Variants in ACSBG1 observed in about 807,000 individuals in gnomAD.
The protein encoded by ACSBG1 is long-chain-fatty-acid--CoA ligase ACSBG1.
ACSBG1 carries 39 observed loss-of-function variants against 80.2 expected under a neutral mutation model. That is an observed-to-expected ratio of 0.49 (90% CI 0.38 to 0.64). The LOEUF is 0.64. Ranked by LOEUF, ACSBG1 falls within the 30% of genes least tolerant of loss-of-function variation. The probability of loss-of-function intolerance (pLI) is 0.00; values close to 1 mark genes in which losing one functional copy is unlikely to be tolerated. For synonymous variants in ACSBG1, 392 were observed against 379.5 expected (o/e 1.03, Z -0.38); for missense variants, 828 against 966.4 (o/e 0.86, Z 1.90).
intron 8 of ACSBG1, among the ~76,000 whole-genome samples, chr15:78,181,434 T>C (rs2074942134): frequency 6.6e-6 from 1 of 151,364 alleles, no homozygotes; most frequent in Admixed American, 6.6e-5. Context: ...TCCTTGATCG[T>C]GTCACAAGTC....
chr15:78,191,892 G>A (rs908591092), intron 5 of ACSBG1, among the ~76,000 whole-genome samples: 4 of 152,128 alleles, frequency 2.6e-5, no homozygotes, highest in Non-Finnish European at 4.4e-5. Context: ...TCCACAACCC[G>A]CCGCAAAGAG....
chr15:78,231,692 G>A (rs564509221), intron 1 of ACSBG1, among the ~76,000 whole-genome samples: 6 of 152,170 alleles, frequency 3.9e-5, no homozygotes, highest in African/African-American at 1.4e-4. Flanking sequence ...GGGCTCAAGC[G>A]ATCCTCCCAC....
chr15:78,179,479 C>G, intron 10 of ACSBG1, 71 bp downstream of exon 10: 1 of 1,429,904 alleles, frequency 7.0e-7, no homozygotes. Flanking sequence ...CCCCAGGGCA[C>G]TCAGCAGGCG....
At chr15:78,212,929 C>G (rs2075279734) in intron 1 of ACSBG1, among the ~76,000 whole-genome samples, 1 of 152,184 alleles carries the variant, frequency 6.6e-6, no homozygotes, top group Non-Finnish European at 1.5e-5. Context: ...TCTCCATTCC[C>G]CACAGCCAAC....
intron 12 of ACSBG1, 148 bp from the exon 13 acceptor site, chr15:78,173,987 T>C (rs2074856069): frequency 1.0e-6 from 1 of 989,556 alleles, no homozygotes. Context: ...TAGCTGCTAC[T>C]GTGTTGAGCC....
intron 1 of ACSBG1, chr15:78,212,701 G>A: frequency 4.7e-6 from 2 of 424,116 alleles, no homozygotes; most frequent in Non-Finnish European, 9.6e-6. Context: ...AGCAGCCCCA[G>A]AGAGGCCCGG....
chr15:78,205,297 C>G (rs1039412674), intron 2 of ACSBG1, among the ~76,000 whole-genome samples: 54 of 152,122 alleles, frequency 3.5e-4, no homozygotes, highest in Non-Finnish European at 4.4e-5. Flanking sequence ...AGCCTGGGGA[C>G]CAGAGCTCAG....
rs1308111559 is a variant in ACSBG1, at chr15:78,178,507, G to T, written c.1702+107C>A. The T allele has an allele frequency of 7.2e-6, 9 of 1,257,110 alleles. No homozygotes were observed. Among genetic ancestry groups the T allele is most frequent in the African/African-American group, 6.0e-5 (4 of 67,190 alleles). 77.9% of individuals were successfully genotyped at this position (1,257,110 alleles called of 1,614,324 possible). ...AGTAGAGATGGGGTTTCGCTGTGCT[G>T]CCCAGGGTGGTCTTGAACTCCTGAG... On this transcript the variant is annotated intron_variant, in intron 11 of 13. Transcript: ENST00000258873. The surrounding 1 kb of genome is among the most constrained non-coding windows in gnomAD (Gnocchi z 4.3).
At chr15:78,191,243 A>C (rs936523494) in intron 5 of ACSBG1, among the ~76,000 whole-genome samples, 4 of 152,258 alleles carry the variant, frequency 2.6e-5, no homozygotes, top group African/African-American at 9.6e-5. Context: ...CTAATAACAG[A>C]GCTCCAAAAT....
chr15:78,223,800 T>A (rs562557446), intron 1 of ACSBG1, among the ~76,000 whole-genome samples: 4 of 152,266 alleles, frequency 2.6e-5, no homozygotes, highest in Non-Finnish European at 5.9e-5. Flanking sequence ...GATTATCTTG[T>A]ATTATCCAGT....
chr15:78,212,190 A>G (rs958146130), intron 1 of ACSBG1, among the ~76,000 whole-genome samples: 3 of 152,182 alleles, frequency 2.0e-5, no homozygotes, highest in African/African-American at 7.2e-5. Flanking sequence ...GATAGCATCA[A>G]AGTTCACCAG....
intron 1 of ACSBG1, among the ~76,000 whole-genome samples, chr15:78,223,899 G>C (rs1438891290): frequency 6.6e-6 from 1 of 152,192 alleles, no homozygotes; most frequent in Admixed American, 6.5e-5. Flanking sequence ...TGACCACAGA[G>C]GCAGAGATGG....
chr15:78,231,197 G>A (rs746390728), intron 1 of ACSBG1, among the ~76,000 whole-genome samples: 4 of 151,870 alleles, frequency 2.6e-5, no homozygotes, highest in African/African-American at 9.7e-5. Context: ...CTCAGCTCAC[G>A]GCAACCTCTG....
At chr15:78,182,281 C>A in intron 7 of ACSBG1, 136 bp from the exon 8 acceptor site, 1 of 1,322,152 alleles carries the variant, frequency 7.6e-7, no homozygotes, top group Non-Finnish European at 1.0e-6. Flanking sequence ...AACCCCAGGA[C>A]AGGCCTCCCC....
intron 9 of ACSBG1, among the ~76,000 whole-genome samples, chr15:78,180,308 G>A (rs2074929282): frequency 6.6e-6 from 1 of 152,140 alleles, no homozygotes; most frequent in South Asian, 2.1e-4. Context: ...CCAGCTTTAC[G>A]TCACTGACCC....
intron 1 of ACSBG1, among the ~76,000 whole-genome samples, chr15:78,223,194 C>T (rs376612234): frequency 3.6e-5 from 5 of 138,584 alleles, no homozygotes; most frequent in Admixed American, 8.3e-5. Context: ...CTTGAACGCG[C>T]GATGTTGGAG....
At chr15:78,182,867 C>A (rs938093716) in intron 5 of ACSBG1, 82 bp from the exon 6 acceptor site, 18 of 1,507,418 alleles carry the variant, frequency 1.2e-5, no homozygotes, top group Middle Eastern at 3.5e-4. Context: ...CTGTGTGAGT[C>A]GGCTTAGTAA....
chr15:78,193,560 G>A lies in ACSBG1; in HGVS notation c.609C>T (p.Cys203=). 6.2e-7 allele frequency: 1 copy of A among 1,613,764 alleles called. No homozygotes were observed. Residue 203 remains cysteine (C), a synonymous_variant, in exon 5 of 14, where the codon TGC becomes TGT. Transcript: ENST00000258873. ...PEACQYIAYD[C]CANVIMVDTQ... is the part of the protein sequence containing the mutation. ...TGTCGACCATGATGACATTGGCGCA[G>A]CAGTCATAAGCGATGTACTGGCAGG...
At chr15:78,209,254 G>A (rs1567093542) in intron 1 of ACSBG1, 6 of 455,906 alleles carry the variant, frequency 1.3e-5, no homozygotes, top group Admixed American at 4.7e-5. Flanking sequence ...AAGAACCTGA[G>A]ATAGGTTTTA....
Sources: allele counts gnomAD v4.1 joint callset (sites outside exome capture counted in the v4.1 genomes callset), GRCh38; gene constraint gnomAD v4.1.1; non-coding constraint Gnocchi (gnomAD v3.1); transcripts MANE v1.5; gene names NCBI Gene and HGNC (gene_info 2026-07-23, HGNC 2026-07-21).